The following RPS6KA5 variants were observed in gnomAD, a reference collection of about 807,000 sequenced individuals.
RPS6KA5 encodes the protein ribosomal protein S6 kinase alpha-5.
Under a neutral mutation model 85.5 loss-of-function variants are expected in RPS6KA5, and 27 were observed. The ratio of observed to expected loss-of-function variants is 0.32; its 90% CI spans 0.23 to 0.44. The LOEUF (loss-of-function observed/expected upper bound fraction) is 0.44. RPS6KA5 is among the 20% of genes least tolerant of loss of function. RPS6KA5 has a pLI of 1.00. For missense variants in RPS6KA5, 811 were observed against 980.9 expected, an observed-to-expected ratio of 0.83 and a Z score of 2.31; for synonymous variants, 334 against 348.2, an observed-to-expected ratio of 0.96 and a Z score of 0.46.
intron 1 of RPS6KA5, among the ~76,000 whole-genome samples, chr14:91,040,364 T>C (rs1031737158): frequency 3.9e-5 from 6 of 152,142 alleles, no homozygotes; most frequent in South Asian, 2.1e-4. Context: ...GCCGAGATCA[T>C]GCCACTGCAC....
At chr14:91,018,018 T>C (rs949610150) in intron 1 of RPS6KA5, among the ~76,000 whole-genome samples, 1 of 152,202 alleles carries the variant, frequency 6.6e-6, no homozygotes, top group Non-Finnish European at 1.5e-5. Flanking sequence ...GGTATTACCA[T>C]GCCTTGTGAT....
intron 7 of RPS6KA5, among the ~76,000 whole-genome samples, chr14:90,918,333 C>G (rs964387512): frequency 1.3e-5 from 2 of 152,174 alleles, no homozygotes; most frequent in Admixed American, 1.3e-4. Flanking sequence ...CACATCTTCT[C>G]TGATGAACTG....
At chr14:90,906,958 G>T (rs1301563742) in intron 7 of RPS6KA5, among the ~76,000 whole-genome samples, 4 of 152,192 alleles carry the variant, frequency 2.6e-5, no homozygotes, top group Non-Finnish European at 5.9e-5. Context: ...AGAGCTCAGA[G>T]ATGGAGTAAA....
intron 1 of RPS6KA5, among the ~76,000 whole-genome samples, chr14:91,013,823 C>A (rs998598662): frequency 7.2e-5 from 11 of 152,114 alleles, no homozygotes; most frequent in African/African-American, 2.7e-4. Flanking sequence ...CAGGTTGAAA[C>A]AACAGTCAAG....
At chr14:90,921,901 T>C (rs759686944) in intron 6 of RPS6KA5, among the ~76,000 whole-genome samples, 1 of 152,092 alleles carries the variant, frequency 6.6e-6, no homozygotes, top group Non-Finnish European at 1.5e-5. Context: ...ACAGAAGTGT[T>C]AAAAAATGAA....
chr14:91,024,858 G>A (rs80103085), intron 1 of RPS6KA5, among the ~76,000 whole-genome samples: 2,729 of 152,072 alleles, frequency 0.018, 63 homozygotes, highest in African/African-American at 0.063. Flanking sequence ...GGGGACTCTC[G>A]CCTTTTTTTC....
At chr14:90,965,962 G>C (rs1330838862) in intron 3 of RPS6KA5, among the ~76,000 whole-genome samples, 1 of 152,172 alleles carries the variant, frequency 6.6e-6, no homozygotes. Flanking sequence ...AAGACTTTGA[G>C]GTCTTAGAGG....
intron 7 of RPS6KA5, among the ~76,000 whole-genome samples, chr14:90,909,266 C>T (rs1336396280): frequency 6.6e-6 from 1 of 152,174 alleles, no homozygotes; most frequent in Admixed American, 6.5e-5. Flanking sequence ...ACTTCTCCTC[C>T]TCCAATGTGC....
chr14:90,971,090 A>G (rs1385484540), intron 3 of RPS6KA5, among the ~76,000 whole-genome samples: 3 of 152,052 alleles, frequency 2.0e-5, no homozygotes. Flanking sequence ...GGCCAGGGCG[A>G]GCAGATTACC....
intron 1 of RPS6KA5, among the ~76,000 whole-genome samples, chr14:91,022,953 C>T (rs1340120512): frequency 1.3e-5 from 2 of 151,752 alleles, no homozygotes; most frequent in South Asian, 2.1e-4. Context: ...GGCATGGTGG[C>T]GCACGCCTGT....
intron 1 of RPS6KA5, among the ~76,000 whole-genome samples, chr14:91,002,604 C>T (rs2040837530): frequency 6.6e-6 from 1 of 152,114 alleles, no homozygotes; most frequent in Non-Finnish European, 1.5e-5. Context: ...TAAATAATTT[C>T]AATGTCTTTC....
chr14:91,008,032 T>C (rs922783846), intron 1 of RPS6KA5, among the ~76,000 whole-genome samples: 1 of 152,190 alleles, frequency 6.6e-6, no homozygotes, highest in African/African-American at 2.4e-5. Flanking sequence ...GTAAGTATAA[T>C]TTGTATAATA....
chr14:90,984,548 G>T (rs1328304276), intron 2 of RPS6KA5, among the ~76,000 whole-genome samples: 1 of 152,198 alleles, frequency 6.6e-6, no homozygotes, highest in African/African-American at 2.4e-5. Context: ...ACCTGATGTA[G>T]ACAGCAAAAC....
intron 1 of RPS6KA5, among the ~76,000 whole-genome samples, chr14:91,025,289 C>A (rs2041947699): frequency 6.6e-6 from 1 of 152,190 alleles, no homozygotes; most frequent in South Asian, 2.1e-4. Flanking sequence ...GGTGATCTGC[C>A]GGCCTCAGCC....
chr14:90,880,714 A>G (rs1472149170), intron 14 of RPS6KA5, among the ~76,000 whole-genome samples: 3 of 152,008 alleles, frequency 2.0e-5, no homozygotes, highest in African/African-American at 7.3e-5. Context: ...TTTTTGCTTC[A>G]TGTACTTTAC....
chr14:91,052,375 G>C (rs763158197), intron 1 of RPS6KA5: 1 of 400,398 alleles, frequency 2.5e-6, no homozygotes, highest in South Asian at 1.8e-5. Flanking sequence ...GGCTGAGGCA[G>C]GAGAATCACT....
chr14:90,925,651 A>C (rs143201231), intron 5 of RPS6KA5, among the ~76,000 whole-genome samples: 58 of 152,298 alleles, frequency 3.8e-4, no homozygotes, highest in African/African-American at 1.3e-3. Flanking sequence ...CAGACACAAC[A>C]AACTGAAGGA....
intron 1 of RPS6KA5, among the ~76,000 whole-genome samples, chr14:91,011,099 A>T (rs2041235979): frequency 6.6e-6 from 1 of 152,178 alleles, no homozygotes; most frequent in Non-Finnish European, 1.5e-5. Flanking sequence ...AATACAAATC[A>T]CTGTATGCAG....
At chr14:90,897,166 T>C (rs946287225) in intron 12 of RPS6KA5, among the ~76,000 whole-genome samples, 1 of 152,190 alleles carries the variant, frequency 6.6e-6, no homozygotes, top group African/African-American at 2.4e-5. Context: ...ATAGAGTTTG[T>C]ACTCCAGTGA....
Sources: gnomAD v4.1 joint callset for allele counts (sites outside exome capture counted in the v4.1 genomes callset) on GRCh38, gnomAD v4.1.1 for gene constraint, MANE v1.5 for transcripts, NCBI Gene and HGNC (gene_info 2026-07-23, HGNC 2026-07-21) for gene names.